PTER: variants seen among roughly 807,000 people sequenced by gnomAD.
The protein encoded by PTER is phosphotriesterase related.
PTER carries 38 observed loss-of-function variants against 29.6 expected under a neutral mutation model. That is an observed-to-expected ratio of 1.28 (90% CI 0.99 to 1.68). The LOEUF (loss-of-function observed/expected upper bound fraction) is 1.68, where lower values mean the gene tolerates loss of function less well. PTER is among the 40% of genes most tolerant of loss of function. The pLI, the probability that PTER is intolerant of heterozygous loss-of-function variation, is 0.00. For synonymous variants in PTER, 172 were observed against 154.5 expected (o/e 1.11, Z -0.84); for missense variants, 482 against 427.8 (o/e 1.13, Z -1.12).
chr10:16,501,488 C>A (rs1836348617), intron 3 of PTER, among the ~76,000 whole-genome samples: 1 of 152,024 alleles, frequency 6.6e-6, no homozygotes, highest in Non-Finnish European at 1.5e-5. Context: ...AAGATTTAAT[C>A]CTGCTTACTA....
intron 1 of PTER, among the ~76,000 whole-genome samples, chr10:16,442,347 C>T (rs936963278): frequency 6.6e-6 from 1 of 152,202 alleles, no homozygotes; most frequent in Non-Finnish European, 1.5e-5. Flanking sequence ...TAGATGTTAT[C>T]AGTCTTGCTC....
downstream of PTER, among the ~76,000 whole-genome samples, chr10:16,515,985 AATG>A (rs1332636968): frequency 6.6e-6 from 1 of 152,150 alleles, no homozygotes; most frequent in African/African-American, 2.4e-5. Flanking sequence ...TCAAAATTTA[AATG>A]ATGAGTTTTC....
rs1432671898 is a variant in PTER, at chr10:16,511,128, T to G, written c.922T>G (p.Tyr308Asp). ...ACATACGAAAACCCGGCTGATGAAA[T>G]ATGGAGGTCACGGCTATTCTCATAT... ...DIHTKTRLMK[Y>D]GGHGYSHILT... Residue 308 changes from tyrosine (Y) to aspartate (D), a missense_variant, in exon 5 of 5, where the codon TAT (tyrosine) becomes GAT (aspartate). Coordinates refer to ENST00000535784, the MANE Select transcript of PTER (RefSeq NM_001261836.2). 31 of 1,613,940 alleles carry G rather than the reference T, an allele frequency of 1.9e-5. No homozygotes were observed. Among genetic ancestry groups the G allele is most frequent in the Non-Finnish European group, 2.5e-5 (30 of 1,180,004 alleles).
chr10:16,498,969 G>A (rs35821017), intron 3 of PTER, among the ~76,000 whole-genome samples: 70,646 of 152,094 alleles, frequency 0.46, 16,657 homozygotes, highest in East Asian at 0.68. Context: ...GTGTGTCTCC[G>A]TAGTGTGAGT....
chr10:16,487,303 G>C (rs1221402640), intron 3 of PTER, among the ~76,000 whole-genome samples: 1 of 152,160 alleles, frequency 6.6e-6, no homozygotes, highest in Non-Finnish European at 1.5e-5. Flanking sequence ...TCCTCCAAAG[G>C]CTGCAGGGAG....
intron 1 of PTER, among the ~76,000 whole-genome samples, chr10:16,443,785 A>G (rs1239226995): frequency 2.0e-5 from 3 of 152,250 alleles, no homozygotes; most frequent in Non-Finnish European, 2.9e-5. Context: ...TCTCCGAATC[A>G]GAAACTTACT....
intron 1 of PTER, among the ~76,000 whole-genome samples, chr10:16,474,987 T>C (rs1835207143): frequency 6.6e-6 from 1 of 152,176 alleles, no homozygotes; most frequent in Non-Finnish European, 1.5e-5. Context: ...GCCTATGTCC[T>C]GGTTTGCAGA....
intron 1 of PTER, among the ~76,000 whole-genome samples, chr10:16,452,218 CACAT>C (rs1365661090): frequency 8.2e-5 from 12 of 146,238 alleles, no homozygotes; most frequent in African/African-American, 3.3e-4. Flanking sequence ...CACACACACA[CACAT>C]ATATATACAT....
intron 3 of PTER, among the ~76,000 whole-genome samples, chr10:16,498,467 C>T (rs1187896116): frequency 6.6e-6 from 1 of 152,102 alleles, no homozygotes; most frequent in South Asian, 2.1e-4. Context: ...CTTGTAATCC[C>T]AGCTACTCGG....
chr10:16,475,706 A>G (rs1004513116), intron 1 of PTER, among the ~76,000 whole-genome samples: 1 of 152,202 alleles, frequency 6.6e-6, no homozygotes, highest in African/African-American at 2.4e-5. Flanking sequence ...CGTCATTTCC[A>G]GTACTGCTTA....
At chr10:16,439,977 T>C (rs575657977) in intron 1 of PTER, among the ~76,000 whole-genome samples, 62 of 152,342 alleles carry the variant, frequency 4.1e-4, no homozygotes, top group Admixed American at 9.1e-4. Context: ...AGTTGTTGAA[T>C]ATATTTTCAT....
intron 1 of PTER, among the ~76,000 whole-genome samples, chr10:16,476,720 C>T (rs1042463475): frequency 2.0e-5 from 3 of 151,372 alleles, no homozygotes; most frequent in Non-Finnish European, 4.4e-5. Context: ...CACAGGAGTG[C>T]CCCACCATGC....
intron 1 of PTER, among the ~76,000 whole-genome samples, chr10:16,464,246 T>C (rs1023471642): frequency 3.3e-5 from 5 of 152,228 alleles, no homozygotes; most frequent in African/African-American, 7.2e-5. Flanking sequence ...GTGGTCATCA[T>C]TGTGGCCTTG....
chr10:16,483,738 C>CA (rs2133447909), intron 1 of PTER, among the ~76,000 whole-genome samples: 1 of 152,168 alleles, frequency 6.6e-6, no homozygotes, highest in East Asian at 1.9e-4. Context: ...CCCAGCTACT[C>CA]AGGAGGCTGG....
intron 1 of PTER, among the ~76,000 whole-genome samples, chr10:16,475,533 C>T (rs1564396514): frequency 6.6e-6 from 1 of 152,126 alleles, no homozygotes; most frequent in Non-Finnish European, 1.5e-5. Context: ...ATATGGGTCC[C>T]AAACTGGCTT....
At chr10:16,499,368 G>A (rs1836241558) in intron 3 of PTER, among the ~76,000 whole-genome samples, 1 of 151,676 alleles carries the variant, frequency 6.6e-6, no homozygotes, top group South Asian at 2.1e-4. Flanking sequence ...CACTCAGTTT[G>A]CTTTGTCAAT....
At chr10:16,510,914 C>A in intron 4 of PTER, 132 bp from the exon 5 acceptor site, 1 of 704,932 alleles carries the variant, frequency 1.4e-6, no homozygotes, top group Non-Finnish European at 2.4e-6. Flanking sequence ...AAAGGTCTCT[C>A]AGTACACACG....
At chr10:16,465,581 C>T (rs1834780072) in intron 1 of PTER, among the ~76,000 whole-genome samples, 2 of 152,144 alleles carry the variant, frequency 1.3e-5, no homozygotes, top group South Asian at 4.1e-4. Context: ...CATAGGTTTG[C>T]TTGTGGCTGA....
At chr10:16,517,678 G>C (rs916550709), downstream of PTER, among the ~76,000 whole-genome samples, 3 of 152,248 alleles carry the variant, frequency 2.0e-5, no homozygotes. Context: ...GAGTATGAGA[G>C]CTGCGGTCAT....
Sources: allele counts gnomAD v4.1 joint callset (sites outside exome capture counted in the v4.1 genomes callset), GRCh38; gene constraint gnomAD v4.1.1; transcripts MANE v1.5; gene names NCBI Gene and HGNC (gene_info 2026-07-23, HGNC 2026-07-21).